The following PLD5 variants were observed in gnomAD, a reference collection of about 807,000 sequenced individuals.
PLD5 encodes inactive phospholipase D5.
Under a neutral mutation model 61.1 loss-of-function variants are expected in PLD5, and 36 were observed. The ratio of observed to expected loss-of-function variants is 0.59; its 90% confidence interval spans 0.45 to 0.78. The LOEUF (loss-of-function observed/expected upper bound fraction) is 0.78. Ranked by LOEUF, PLD5 falls within the 30% of genes least tolerant of loss-of-function variation. The pLI is 0.00. For missense variants in PLD5, 515 were observed against 644.4 expected, an observed-to-expected ratio of 0.80 and a Z score of 2.17; for synonymous variants, 243 against 242.8, an observed-to-expected ratio of 1.00 and a Z score of -0.01.
intron 8 of PLD5, among the ~76,000 whole-genome samples, chr1:242,105,008 C>T (rs941536466): frequency 1.6e-4 from 24 of 152,118 alleles, no homozygotes; most frequent in Admixed American, 1.4e-3. Flanking sequence ...ACTTAATAAA[C>T]GATGTAGCAT....
chr1:242,470,297 G>A (rs540000444), intron 1 of PLD5, among the ~76,000 whole-genome samples: 10 of 150,866 alleles, frequency 6.6e-5, no homozygotes, highest in African/African-American at 1.7e-4. Flanking sequence ...AGCCGAGATC[G>A]CACCACTGCA....
intron 5 of PLD5, among the ~76,000 whole-genome samples, chr1:242,219,663 CT>C (rs1384937430): frequency 6.6e-6 from 1 of 152,164 alleles, no homozygotes. Context: ...GTGTTTCCCC[CT>C]GTCTCATAGA....
In PLD5 at chr1:242,102,360, T is replaced by C. The variant is rs1660755280; in HGVS notation, c.1240-1578A>G. ...ACGGCCCTTAAGAGGGGAAACAGCT[T>C]TCTCTGGAAGACTAAAATGACAGCA... On this transcript the variant is annotated intron_variant, in intron 8 of 9. Transcript: ENST00000536534. Among the ~76,000 whole-genome samples, 3 of 152,220 alleles carry C rather than the reference T, an allele frequency of 2.0e-5. No homozygotes were observed. The South Asian group carries it at 6.2e-4, about 32-fold the overall frequency.
At chr1:242,159,114 C>T (rs1201436391) in intron 5 of PLD5, among the ~76,000 whole-genome samples, 4 of 152,088 alleles carry the variant, frequency 2.6e-5, no homozygotes, top group South Asian at 2.1e-4. Context: ...TATATTGATA[C>T]GCCCCATGAC....
chr1:242,129,911 G>C (rs1294893817), intron 5 of PLD5, among the ~76,000 whole-genome samples: 1 of 152,098 alleles, frequency 6.6e-6, no homozygotes, highest in Admixed American at 6.5e-5. Context: ...TTGCATTTCT[G>C]AGTTGTTTCA....
At chr1:242,253,812 T>G (rs1377062089) in intron 4 of PLD5, among the ~76,000 whole-genome samples, 1 of 152,246 alleles carries the variant, frequency 6.6e-6, no homozygotes, top group Non-Finnish European at 1.5e-5. Flanking sequence ...TAGCACAAGA[T>G]TCTATGTTTT....
At chr1:242,337,770 G>A (rs1290760685) in intron 2 of PLD5, among the ~76,000 whole-genome samples, 3 of 152,268 alleles carry the variant, frequency 2.0e-5, no homozygotes, top group East Asian at 1.9e-4. Context: ...ATGGGAGTAC[G>A]GAGGCTGAGT....
chr1:242,524,029 C>A, intron 1 of PLD5, 59 bp downstream of exon 1: 1 of 1,480,980 alleles, frequency 6.8e-7, no homozygotes, highest in Non-Finnish European at 9.0e-7. Flanking sequence ...GCCACCACCA[C>A]GGGGAGGGTG....
intron 6 of PLD5, 83 bp from the exon 7 acceptor site, chr1:242,114,109 C>T (rs1661754554): frequency 1.1e-5 from 16 of 1,477,148 alleles, no homozygotes; most frequent in Non-Finnish European, 1.5e-5. Flanking sequence ...TTCCACGGAC[C>T]TTGGCTTGTA....
At chr1:242,383,264 CAG>C (rs772329831) in intron 1 of PLD5, among the ~76,000 whole-genome samples, 6 of 151,998 alleles carry the variant, frequency 3.9e-5, no homozygotes, top group South Asian at 4.2e-4. Flanking sequence ...TTATGGGAAA[CAG>C]TGTGATATTT....
chr1:242,406,942 G>A (rs1664263051), intron 1 of PLD5, among the ~76,000 whole-genome samples: 1 of 152,096 alleles, frequency 6.6e-6, no homozygotes, highest in African/African-American at 2.4e-5. Context: ...AGGGGTAAGA[G>A]GGGAAATTGC....
chr1:242,247,813 G>T (rs1483317526), intron 4 of PLD5, among the ~76,000 whole-genome samples: 2 of 152,210 alleles, frequency 1.3e-5, no homozygotes, highest in African/African-American at 4.8e-5. Flanking sequence ...ATGATCCACT[G>T]TTTAATTCTA....
chr1:242,454,833 CCGGA>C (rs1265290591), intron 1 of PLD5, among the ~76,000 whole-genome samples: 26 of 152,300 alleles, frequency 1.7e-4, no homozygotes, highest in Non-Finnish European at 3.4e-4. Flanking sequence ...AGAGAGCTGA[CCGGA>C]TGCCCTGAAT....
At chr1:242,184,384 A>T (rs748385106) in intron 5 of PLD5, among the ~76,000 whole-genome samples, 150 of 152,050 alleles carry the variant, frequency 9.9e-4, no homozygotes, top group Non-Finnish European at 1.8e-3. Flanking sequence ...TTCTTTTTTT[A>T]AAATTATTTT....
chr1:242,357,166 T>C (rs947826896), intron 1 of PLD5, among the ~76,000 whole-genome samples: 3 of 152,102 alleles, frequency 2.0e-5, no homozygotes, highest in African/African-American at 7.2e-5. Flanking sequence ...TTTATTTCTC[T>C]CATTTCTGAA....
At chr1:242,449,424 C>A in intron 1 of PLD5, 1 of 1,535,980 alleles carries the variant, frequency 6.5e-7, no homozygotes, top group East Asian at 2.4e-5. Context: ...GTGCTGCTTC[C>A]CACAGCCTCT....
At chr1:242,226,957 A>G (rs1335682710) in intron 4 of PLD5, among the ~76,000 whole-genome samples, 8 of 152,218 alleles carry the variant, frequency 5.3e-5, no homozygotes, top group Non-Finnish European at 8.8e-5. Context: ...TTTTTAAAGA[A>G]AAAAGTATAA....
At chr1:242,422,052 G>A (rs1455428828) in intron 1 of PLD5, among the ~76,000 whole-genome samples, 1 of 152,158 alleles carries the variant, frequency 6.6e-6, no homozygotes, top group Admixed American at 6.5e-5. Context: ...ATTCCAGAAG[G>A]TCTTCATTTT....
At chr1:242,383,465 G>A (rs538774665) in intron 1 of PLD5, among the ~76,000 whole-genome samples, 163 of 150,538 alleles carry the variant, frequency 1.1e-3, no homozygotes, top group Non-Finnish European at 1.9e-3. Flanking sequence ...CTTTTTCTAG[G>A]GGGAGTGGCA....
Sources: allele counts gnomAD v4.1 joint callset (sites outside exome capture counted in the v4.1 genomes callset), GRCh38; gene constraint gnomAD v4.1.1; transcripts MANE v1.5; gene names NCBI Gene and HGNC (gene_info 2026-07-23, HGNC 2026-07-21).